Variants in TRIM33 observed in about 807,000 individuals in gnomAD.
The protein encoded by TRIM33 is tripartite motif containing 33, also known as E3 ubiquitin-protein ligase TRIM33.
A neutral mutation model predicts 125.4 loss-of-function variants in TRIM33; 20 were observed. The observed-to-expected ratio is 0.16, with a 90% CI of 0.11 to 0.23. TRIM33 has a LOEUF of 0.23. TRIM33 is among the 10% of genes least tolerant of loss of function. The pLI is 1.00. For synonymous variants in TRIM33, 564 were observed against 513.9 expected (o/e 1.10, Z -1.32); for missense variants, 920 against 1,411.4 (o/e 0.65, Z 5.58).
At chr1:114,464,060 T>C (rs993898031) in intron 2 of TRIM33, among the ~76,000 whole-genome samples, 1 of 152,154 alleles carries the variant, frequency 6.6e-6, no homozygotes, top group Non-Finnish European at 1.5e-5. Context: ...TGAGCCACCA[T>C]GCCTGGCCCA....
chr1:114,475,651 C>T (rs767253610), intron 1 of TRIM33, among the ~76,000 whole-genome samples: 1 of 152,030 alleles, frequency 6.6e-6, no homozygotes, highest in Non-Finnish European at 1.5e-5. Context: ...CACTGCACTC[C>T]AGCCTGGGCA....
Position 114,464,338 on chromosome 1 carries a change from G to T in TRIM33, c.577C>A (p.Leu193Ile). 6.2e-7 allele frequency: 1 copy of T among 1,611,218 alleles called. No homozygotes were observed. The highest frequency in any genetic ancestry group is 8.5e-7 in the Non-Finnish European group (1 of 1,178,894). ...TCTTTCACAAAATAATTATCCACAA[G>T]GTCTATCTGTCTGCATTCTTGGCGG... ...VCRQECRQID[L>I]VDNYFVKDTS... The change falls in exon 2 of 20, where the codon CTT becomes ATT. Residue 193 changes from leucine (L) to isoleucine (I), a missense_variant. Physicochemically the swap from Leu to Ile is conservative, Grantham distance 5. Around this residue, in one of 8 missense-constraint regions of TRIM33, gnomAD observed 75 missense variants for 123.9 expected, o/e 0.61. Coordinates refer to ENST00000358465, the MANE Select transcript of TRIM33 (RefSeq NM_015906.4).
At chr1:114,468,816 G>A in intron 1 of TRIM33, 1 of 318,794 alleles carries the variant, frequency 3.1e-6, no homozygotes. Flanking sequence ...CCCTGCTAGG[G>A]CAGTCTCAAA....
At chr1:114,436,781 G>A (rs1648337663) in intron 4 of TRIM33, among the ~76,000 whole-genome samples, 1 of 152,014 alleles carries the variant, frequency 6.6e-6, no homozygotes, top group South Asian at 2.1e-4. Context: ...TTTTAAAGAG[G>A]CTTTACTGTT....
At chr1:114,438,400 T>G (rs1648442401) in intron 4 of TRIM33, among the ~76,000 whole-genome samples, 1 of 152,172 alleles carries the variant, frequency 6.6e-6, no homozygotes, top group East Asian at 1.9e-4. Context: ...GATCACCCAT[T>G]TTCAAGAAGT....
At chr1:114,426,824 T>C (rs1647620731) in intron 8 of TRIM33, among the ~76,000 whole-genome samples, 1 of 152,196 alleles carries the variant, frequency 6.6e-6, no homozygotes. Flanking sequence ...AATGCACAAT[T>C]TGGCTTAATT....
At position 114,509,272 on chromosome 1, in the gene TRIM33, C is replaced by G. The variant is rs1252088732; in HGVS notation, c.526+1279G>C. Reference sequence around the variant, plus strand: ...TTTAGTGCAGCTCCACAATCGCTTACCTACAGTCCCGAAATTCAAAAGCTT... The same window carrying G: ...TTTAGTGCAGCTCCACAATCGCTTAGCTACAGTCCCGAAATTCAAAAGCTT... On this transcript the variant is annotated intron_variant, in intron 1 of 19. Coordinates refer to ENST00000358465, the MANE Select transcript of TRIM33 (RefSeq NM_015906.4). Among the ~76,000 whole-genome samples, 3 of 152,344 alleles carry G rather than the reference C, an allele frequency of 2.0e-5. No individual in the cohort carries two copies. The East Asian group carries it at 5.8e-4, about 29-fold the overall frequency.
intron 1 of TRIM33, among the ~76,000 whole-genome samples, chr1:114,475,802 G>C (rs957237154): frequency 6.6e-6 from 1 of 151,844 alleles, no homozygotes; most frequent in Non-Finnish European, 1.5e-5. Context: ...TAAATAAAAG[G>C]ATCCAGCCTA....
chr1:114,423,666 CT>C (rs938802198), intron 10 of TRIM33, among the ~76,000 whole-genome samples: 4 of 151,890 alleles, frequency 2.6e-5, no homozygotes, highest in African/African-American at 9.7e-5. Context: ...TCCCAAAATG[CT>C]GGGATTACAG....
intron 18 of TRIM33, among the ~76,000 whole-genome samples, chr1:114,399,180 G>A (rs899334397): frequency 6.6e-6 from 1 of 151,924 alleles, no homozygotes; most frequent in African/African-American, 2.4e-5. Context: ...CAAAATATAC[G>A]TAACTACTGA....
At chr1:114,472,956 TGTTATAAA>T (rs1431900092) in intron 1 of TRIM33, among the ~76,000 whole-genome samples, 1 of 151,636 alleles carries the variant, frequency 6.6e-6, no homozygotes, top group African/African-American at 2.4e-5. Flanking sequence ...GAAGGCAGTG[TGTTATAAA>T]GTTTTGGTGC....
At chr1:114,401,554 A>T in intron 16 of TRIM33, 91 bp from the exon 17 acceptor site, 2 of 1,063,054 alleles carry the variant, frequency 1.9e-6, no homozygotes, top group Non-Finnish European at 2.8e-6. Flanking sequence ...ACAAAGTTTG[A>T]TTACAACAAA....
intron 11 of TRIM33, among the ~76,000 whole-genome samples, chr1:114,413,671 GTATT>G (rs1290555529): frequency 1.6e-5 from 2 of 127,794 alleles, no homozygotes; most frequent in Non-Finnish European, 3.2e-5. Flanking sequence ...TTGCAACACA[GTATT>G]TATAGCACTA....
intron 11 of TRIM33, among the ~76,000 whole-genome samples, chr1:114,415,946 TAAAAAAA>T (rs34898099): frequency 4.4e-5 from 4 of 91,524 alleles, no homozygotes; most frequent in Admixed American, 1.3e-4. Context: ...AGACTCCATC[TAAAAAAA>T]AAAAAAAAAA....
chr1:114,441,662 C>CAATAAT (rs1648662200), intron 4 of TRIM33, among the ~76,000 whole-genome samples: 1 of 151,986 alleles, frequency 6.6e-6, no homozygotes, highest in Non-Finnish European at 1.5e-5. Context: ...TGGTTTTATT[C>CAATAAT]TTTGCAATAA....
intron 1 of TRIM33, among the ~76,000 whole-genome samples, chr1:114,482,889 G>A (rs1043901303): frequency 1.3e-5 from 2 of 152,222 alleles, no homozygotes; most frequent in African/African-American, 4.8e-5. Flanking sequence ...ACAGCAGGAA[G>A]AACCAGAGAA....
intron 1 of TRIM33, among the ~76,000 whole-genome samples, chr1:114,507,498 G>A (rs181572649): frequency 6.6e-6 from 1 of 152,320 alleles, no homozygotes; most frequent in Non-Finnish European, 1.5e-5. Context: ...AAAACCACTA[G>A]CTATGATCTC....
At chr1:114,410,140 T>G in intron 12 of TRIM33, 44 bp downstream of exon 12, 1 of 1,610,176 alleles carries the variant, frequency 6.2e-7, no homozygotes, top group East Asian at 2.2e-5. Flanking sequence ...CTGACACTGT[T>G]TTTTTAAGGT....
chr1:114,433,298 A>G (rs1210673660), intron 5 of TRIM33, among the ~76,000 whole-genome samples: 1 of 152,134 alleles, frequency 6.6e-6, no homozygotes, highest in Non-Finnish European at 1.5e-5. Flanking sequence ...TCTTCTCTAT[A>G]CTGTATCTTC....
Sources: allele counts gnomAD v4.1 joint callset (sites outside exome capture counted in the v4.1 genomes callset), GRCh38; gene constraint gnomAD v4.1.1; regional missense constraint gnomAD v4.1.1; transcripts MANE v1.5; gene names NCBI Gene and HGNC (gene_info 2026-07-23, HGNC 2026-07-21).